MAL: variants seen among roughly 807,000 people sequenced by gnomAD.
MAL encodes the protein myelin and lymphocyte protein.
MAL carries 5 observed loss-of-function variants against 16.7 expected under a neutral mutation model. The ratio of observed to expected loss-of-function variants is 0.30; its 90% CI spans 0.16 to 0.63. The LOEUF (loss-of-function observed/expected upper bound fraction) is 0.63. Among genes scored for constraint, MAL ranks in the 30% least tolerant of loss-of-function variants. The pLI is 0.82. For synonymous variants in MAL, 96 were observed against 85.5 expected (o/e 1.12, Z -0.67); for missense variants, 202 against 195.8 (o/e 1.03, Z -0.19).
At chr2:95,047,323 C>T (rs1473620488) in intron 1 of MAL, among the ~76,000 whole-genome samples, 1 of 152,214 alleles carries the variant, frequency 6.6e-6, no homozygotes, top group Non-Finnish European at 1.5e-5. Flanking sequence ...CAGAGGGTTA[C>T]TGTGAGAATC....
chr2:95,030,023 C>T (rs1263787925), intron 1 of MAL, among the ~76,000 whole-genome samples: 3 of 152,220 alleles, frequency 2.0e-5, no homozygotes, highest in African/African-American at 7.2e-5. Flanking sequence ...GCCTGACCTC[C>T]CAACAGCCTG....
At chr2:95,028,378 A>T (rs1291508104) in intron 1 of MAL, among the ~76,000 whole-genome samples, 1 of 152,096 alleles carries the variant, frequency 6.6e-6, no homozygotes, top group Admixed American at 6.6e-5. Flanking sequence ...AGAAATCACA[A>T]TGAGATACCA....
At chr2:95,037,032 ACTGAGTGG>A in intron 1 of MAL, among the ~76,000 whole-genome samples, 1 of 151,016 alleles carries the variant, frequency 6.6e-6, no homozygotes, top group South Asian at 2.1e-4. Flanking sequence ...TGAATGAGTG[ACTGAGTGG>A]GTGAGTGAGT....
At chr2:95,050,736 G>A (rs1193187420) in intron 3 of MAL, among the ~76,000 whole-genome samples, 4 of 152,218 alleles carry the variant, frequency 2.6e-5, no homozygotes, top group African/African-American at 9.6e-5. Flanking sequence ...GCCTACAATC[G>A]CTCCCCTAAA....
chr2:95,032,834 T>C (rs1483725338), intron 1 of MAL, among the ~76,000 whole-genome samples: 1 of 152,142 alleles, frequency 6.6e-6, no homozygotes, highest in South Asian at 2.1e-4. Context: ...CTGCAGCACT[T>C]CTCCCCAGGC....
rs200015609 is a variant in MAL, at chr2:95,039,208, CTGAGTGAGTGAG to C, written c.94-8739_94-8728del. Among the ~76,000 whole-genome samples, 473 of 82,744 alleles carry C rather than the reference CTGAGTGAGTGAG, an allele frequency of 5.7e-3. 9 individuals carry two copies. The highest frequency in any genetic ancestry group is 0.021 in the African/African-American group (447 of 21,334). The allele number at this position is 82,744 out of a possible 152,430, so 54.3% of individuals were successfully genotyped here. On this transcript the variant is annotated intron_variant, in intron 1 of 3. Coordinates refer to ENST00000309988, the MANE Select transcript of MAL (RefSeq NM_002371.4). The stretch of plus-strand genomic sequence containing the variant: ...AGTGAGTGAGTGACTGAGTGAGTGA[CTGAGTGAGTGAG>C]TGAGTGAGTGACTGAGTGACTGAGT...
At chr2:95,041,662 C>T (rs1674469086) in intron 1 of MAL, among the ~76,000 whole-genome samples, 1 of 152,162 alleles carries the variant, frequency 6.6e-6, no homozygotes, top group South Asian at 2.1e-4. Flanking sequence ...AGTGACACAG[C>T]TCACTTCAAA....
chr2:95,025,989 T>A lies in MAL; in HGVS notation c.93+104T>A. ...CGGGATCCGCTAGCTGCGCAGGTTC[T>A]GGGAGCATCGGGGCAGCAGGCGCAG... On this transcript the variant is annotated intron_variant, in intron 1 of 3. Coordinates refer to ENST00000309988, the MANE Select transcript of MAL (RefSeq NM_002371.4). The surrounding 1 kb of genome is among the most constrained non-coding windows in gnomAD (Gnocchi z 5.6). 9.7e-7 allele frequency: 1 copy of A among 1,026,598 alleles called. No individual in the cohort carries two copies. Among genetic ancestry groups the A allele is most frequent in the Non-Finnish European group, 1.4e-6 (1 of 709,060 alleles). 63.6% of individuals were successfully genotyped at this position (1,026,598 alleles called of 1,614,324 possible). A position where few individuals can be genotyped will look rare whatever the true frequency, so the allele number is the denominator to read the frequency against.
chr2:95,043,260 C>G (rs1329336470), intron 1 of MAL, among the ~76,000 whole-genome samples: 1 of 152,272 alleles, frequency 6.6e-6, no homozygotes, highest in Non-Finnish European at 1.5e-5. Flanking sequence ...GGTTGTCCAC[C>G]TGCATGTTAA....
chr2:95,047,687 C>T (rs1393706450), intron 1 of MAL, among the ~76,000 whole-genome samples: 2 of 152,156 alleles, frequency 1.3e-5, no homozygotes, highest in Admixed American at 6.5e-5. Context: ...ACTGTACTCA[C>T]GCCTGGGTGA....
rs543497951 is a variant in MAL at position 95,039,324 on chromosome 2, G to A, written c.94-8635G>A. Among the ~76,000 whole-genome samples the A allele has an allele frequency of 4.1e-4, 62 of 151,030 alleles. 1 individual carries two copies. The highest frequency in any genetic ancestry group is 9.2e-4 in the Admixed American group (14 of 15,194). The stretch of plus-strand genomic sequence containing the variant: ...ACTGAGTGGGTGAGTGAGTGAGTGA[G>A]TGACTGAGTGAGTGAGTGAGTGAGT... On this transcript the variant is annotated intron_variant, in intron 1 of 3. Transcript: ENST00000309988.
intron 1 of MAL, among the ~76,000 whole-genome samples, chr2:95,030,131 C>A (rs1674042901): frequency 6.6e-6 from 1 of 152,170 alleles, no homozygotes. Context: ...CAGGGTGGGG[C>A]ATAGCAACCT....
At chr2:95,037,704 GTGAC>G (rs1674274530) in intron 1 of MAL, among the ~76,000 whole-genome samples, 1 of 151,712 alleles carries the variant, frequency 6.6e-6, no homozygotes, top group South Asian at 2.1e-4. Flanking sequence ...GGGTGAGTGA[GTGAC>G]TGAGTGAGTG....
At chr2:95,033,370 C>T (rs754127384) in intron 1 of MAL, among the ~76,000 whole-genome samples, 2 of 152,104 alleles carry the variant, frequency 1.3e-5, no homozygotes, top group Non-Finnish European at 2.9e-5. Flanking sequence ...ACAAACCTTG[C>T]TATTGTTTTC....
chr2:95,040,028 G>A (rs1471414015), intron 1 of MAL, among the ~76,000 whole-genome samples: 2 of 152,088 alleles, frequency 1.3e-5, no homozygotes, highest in Non-Finnish European at 2.9e-5. Flanking sequence ...ACCACCTGGT[G>A]CTCGGTGCCC....
chr2:95,028,756 T>C (rs1471574297), intron 1 of MAL, among the ~76,000 whole-genome samples: 3 of 152,194 alleles, frequency 2.0e-5, no homozygotes. Flanking sequence ...GCTACAAAGT[T>C]GATAAACCTT....
intron 1 of MAL, among the ~76,000 whole-genome samples, chr2:95,038,228 C>CTGAA (rs1674302458): frequency 2.3e-5 from 1 of 43,934 alleles, no homozygotes; most frequent in African/African-American, 1.3e-4. Flanking sequence ...GAGTGAGTGA[C>CTGAA]TGAGTGACTG....
chr2:95,049,220 G>C (rs548939506), intron 2 of MAL, among the ~76,000 whole-genome samples: 1 of 152,280 alleles, frequency 6.6e-6, no homozygotes, highest in South Asian at 2.1e-4. Context: ...CCCTCACCCT[G>C]CACTGGTCAG....
intron 1 of MAL, among the ~76,000 whole-genome samples, chr2:95,039,228 GTGACTGAGTGAC>G (rs1674369602): frequency 6.6e-6 from 1 of 150,696 alleles, no homozygotes. Flanking sequence ...GAGTGAGTGA[GTGACTGAGTGAC>G]TGAGTGAGTA....
Sources: allele counts gnomAD v4.1 joint callset (sites outside exome capture counted in the v4.1 genomes callset), GRCh38; gene constraint gnomAD v4.1.1; non-coding constraint Gnocchi (gnomAD v3.1); transcripts MANE v1.5; gene names NCBI Gene and HGNC (gene_info 2026-07-23, HGNC 2026-07-21).